Variants in FER observed in about 807,000 individuals in gnomAD.
FER encodes FER tyrosine kinase, also known as tyrosine-protein kinase Fer.
In FER, 63 loss-of-function variants were observed where a neutral mutation model predicts 111.0. That is an observed-to-expected ratio of 0.57 (90% CI 0.46 to 0.70). The LOEUF is 0.70. Among genes scored for constraint, FER ranks in the 30% least tolerant of loss-of-function variants. The pLI is 0.00. For missense variants in FER, 914 were observed against 954.0 expected, an observed-to-expected ratio of 0.96 and a Z score of 0.55; for synonymous variants, 327 against 313.9, an observed-to-expected ratio of 1.04 and a Z score of -0.44.
chr5:109,161,880 A>C (rs569730876), intron 17 of FER, among the ~76,000 whole-genome samples: 116 of 152,192 alleles, frequency 7.6e-4, no homozygotes, highest in African/African-American at 2.7e-3. Context: ...TTTACACTCC[A>C]ACCAACAGTG....
intron 18 of FER, 122 bp downstream of exon 18, chr5:109,181,023 CAAAT>C: frequency 1.4e-6 from 1 of 719,810 alleles, no homozygotes; most frequent in Non-Finnish European, 2.1e-6. Flanking sequence ...AGGATCAACA[CAAAT>C]AAGTGAATTT....
At chr5:109,167,908 G>A (rs1211003687) in intron 17 of FER, among the ~76,000 whole-genome samples, 1 of 152,102 alleles carries the variant, frequency 6.6e-6, no homozygotes, top group Admixed American at 6.5e-5. Flanking sequence ...AAATAGCTGA[G>A]GGTAAAGAAA....
intron 10 of FER, among the ~76,000 whole-genome samples, chr5:108,933,029 C>T (rs1754918588): frequency 6.6e-6 from 1 of 151,978 alleles, no homozygotes; most frequent in Non-Finnish European, 1.5e-5. Flanking sequence ...AAAATTTTCT[C>T]CCATTTTGTA....
At chr5:109,005,707 A>G (rs775925919) in intron 13 of FER, among the ~76,000 whole-genome samples, 2 of 152,210 alleles carry the variant, frequency 1.3e-5, no homozygotes, top group African/African-American at 4.8e-5. Context: ...TTGCACACCA[A>G]TGAAAGCATA....
rs1038894091 is a variant in FER, at chr5:109,119,590, T to A, written c.2048+19071T>A. On this transcript the variant is annotated intron_variant, in intron 17 of 19. Transcript: ENST00000281092. ...GTTAACTTTCTGTCTCGTTGATCTG[T>A]CTGATGTTGACAGTGGGGTGTTAAA... Among the ~76,000 whole-genome samples the A allele has an allele frequency of 2.6e-5, 4 of 152,288 alleles. No individual in the cohort carries two copies. The East Asian group carries it at 7.7e-4, about 29-fold the overall frequency.
chr5:108,822,944 C>T (rs1217797458), intron 3 of FER, among the ~76,000 whole-genome samples: 1 of 152,076 alleles, frequency 6.6e-6, no homozygotes, highest in Non-Finnish European at 1.5e-5. Flanking sequence ...CATCTCGGCT[C>T]ACTGCAGCCT....
chr5:108,757,994 C>T (rs1418365031), intron 1 of FER, among the ~76,000 whole-genome samples: 1 of 152,090 alleles, frequency 6.6e-6, no homozygotes, highest in African/African-American at 2.4e-5. Context: ...GAGATACTTG[C>T]TATTATATAC....
chr5:108,751,133 G>A (rs1440697443), intron 1 of FER, among the ~76,000 whole-genome samples: 1 of 152,028 alleles, frequency 6.6e-6, no homozygotes, highest in Non-Finnish European at 1.5e-5. Context: ...CGGAGGTTGT[G>A]GTGAGTGGAG....
At chr5:109,161,562 G>A (rs540892001) in intron 17 of FER, among the ~76,000 whole-genome samples, 11 of 152,122 alleles carry the variant, frequency 7.2e-5, no homozygotes, top group African/African-American at 2.6e-4. Flanking sequence ...TCCTTCAAAG[G>A]ACAGGATCTC....
At chr5:109,016,971 A>G (rs1040759847) in intron 13 of FER, among the ~76,000 whole-genome samples, 2 of 152,028 alleles carry the variant, frequency 1.3e-5, no homozygotes, top group Non-Finnish European at 2.9e-5. Context: ...ATGTGAGGAC[A>G]CAGTGGGAAG....
chr5:109,123,277 TCCTGAGTAGCTGGGTCTACAGGCA>T (rs1751242496), intron 17 of FER, among the ~76,000 whole-genome samples: 1 of 150,966 alleles, frequency 6.6e-6, no homozygotes, highest in Non-Finnish European at 1.5e-5. Context: ...TGCCTCAGCC[TCCTGAGTAGCTGGGTCTACAGGCA>T]CCCGCCACCG....
chr5:108,884,055 T>A (rs1765935787), intron 9 of FER, among the ~76,000 whole-genome samples: 1 of 152,006 alleles, frequency 6.6e-6, no homozygotes, highest in South Asian at 2.1e-4. Context: ...TTTACTGACT[T>A]CATTATGCTT....
intron 2 of FER, among the ~76,000 whole-genome samples, chr5:108,776,564 A>G (rs1035712868): frequency 3.9e-5 from 6 of 152,180 alleles, no homozygotes; most frequent in African/African-American, 1.4e-4. Flanking sequence ...TATATTCACA[A>G]GAAATACTGT....
Position 108,778,935 on chromosome 5 carries a change from T to G in FER, c.-60+10697T>G, listed in dbSNP as rs143209607. ...TATGTTGTCCTCTAGGAGTTTTACT[T>G]TTGCATTTTACATTTTGGCCTATGA... is the stretch of plus-strand genomic sequence containing the variant. On this transcript the variant is annotated intron_variant, in intron 2 of 19. Coordinates refer to ENST00000281092, the MANE Select transcript of FER (RefSeq NM_005246.4). 5.8e-4 allele frequency among the ~76,000 whole-genome samples: 88 copies of G among 152,228 alleles called. 1 individual carries two copies. The highest frequency in any genetic ancestry group is 4.1e-3 in the Admixed American group (62 of 15,290).
intron 1 of FER, among the ~76,000 whole-genome samples, chr5:108,749,230 G>T (rs1400677498): frequency 2.0e-5 from 3 of 151,916 alleles, no homozygotes; most frequent in Non-Finnish European, 2.9e-5. Context: ...CCTCCCGCCC[G>T]CAGCAGAGCA....
chr5:109,147,192 A>C (rs558747960), intron 17 of FER, among the ~76,000 whole-genome samples: 9 of 152,106 alleles, frequency 5.9e-5, no homozygotes, highest in African/African-American at 1.9e-4. Context: ...AAAAATGTTA[A>C]AATTGAATAG....
intron 10 of FER, among the ~76,000 whole-genome samples, chr5:108,907,183 C>G (rs1249683491): frequency 6.6e-6 from 1 of 152,120 alleles, no homozygotes; most frequent in East Asian, 1.9e-4. Flanking sequence ...GTTTTTGTTC[C>G]TTTTATTTCC....
At chr5:109,145,753 A>G (rs1754021570) in intron 17 of FER, among the ~76,000 whole-genome samples, 1 of 152,080 alleles carries the variant, frequency 6.6e-6, no homozygotes, top group Admixed American at 6.6e-5. Context: ...TGCATATAGA[A>G]TGTTATTATT....
intron 13 of FER, among the ~76,000 whole-genome samples, chr5:108,969,666 G>C (rs1209341205): frequency 6.9e-6 from 1 of 144,948 alleles, no homozygotes; most frequent in African/African-American, 2.9e-5. Flanking sequence ...AAGAAATATT[G>C]AAAACATGGC....
Sources: gnomAD v4.1 joint callset for allele counts (sites outside exome capture counted in the v4.1 genomes callset) on GRCh38, gnomAD v4.1.1 for gene constraint, MANE v1.5 for transcripts, NCBI Gene and HGNC (gene_info 2026-07-23, HGNC 2026-07-21) for gene names.